TACR1: variants seen among roughly 807,000 people sequenced by gnomAD.
The protein encoded by TACR1 is substance-P receptor.
TACR1 carries 25 observed loss-of-function variants against 35.8 expected under a neutral mutation model. The ratio of observed to expected loss-of-function variants is 0.70; its 90% CI spans 0.51 to 0.98. The LOEUF (loss-of-function observed/expected upper bound fraction) is 0.98, where lower values mean the gene tolerates loss of function less well. TACR1 is among the 50% of genes least tolerant of loss of function. The pLI is 0.00. For missense variants in TACR1, 478 were observed against 522.9 expected, an observed-to-expected ratio of 0.91 and a Z score of 0.84; for synonymous variants, 195 against 206.7, an observed-to-expected ratio of 0.94 and a Z score of 0.48.
chr2:75,083,067 T>C (rs909637058), intron 2 of TACR1, among the ~76,000 whole-genome samples: 45 of 152,354 alleles, frequency 3.0e-4, no homozygotes, highest in African/African-American at 1.0e-3. Flanking sequence ...AGGTCTAACA[T>C]TTAAGTCTTT....
chr2:75,181,943 A>G (rs1166495479), intron 1 of TACR1, among the ~76,000 whole-genome samples: 2 of 152,210 alleles, frequency 1.3e-5, no homozygotes, highest in East Asian at 1.9e-4. Flanking sequence ...TCAAGCGCTC[A>G]AAGAACTAGC....
intron 1 of TACR1, among the ~76,000 whole-genome samples, chr2:75,157,744 T>G (rs2103984385): frequency 6.6e-6 from 1 of 152,378 alleles, no homozygotes; most frequent in South Asian, 2.1e-4. Context: ...GATGTGGGTT[T>G]TAAGCAATTC....
chr2:75,184,404 T>G (rs970970080), intron 1 of TACR1, among the ~76,000 whole-genome samples: 1 of 151,878 alleles, frequency 6.6e-6, no homozygotes, highest in Non-Finnish European at 1.5e-5. Context: ...GTGCTTATGA[T>G]CATGAGTTTT....
In TACR1 at chr2:75,090,328, G is replaced by C. The variant is rs148641493; in HGVS notation, c.584+30246C>G. Among the ~76,000 whole-genome samples the C allele has an allele frequency of 4.6e-3, 698 of 152,276 alleles. 31 individuals carry two copies. The highest frequency in any genetic ancestry group is 0.041 in the Admixed American group (634 of 15,298). On this transcript the variant is annotated intron_variant, in intron 2 of 4. Coordinates refer to ENST00000305249, the MANE Select transcript of TACR1 (RefSeq NM_001058.4). ...AGGGCTCTTAAAATTTAATCTGAAA[G>C]ACTGGTTCAGGCCATGAAGGGAAGT...
At chr2:75,145,549 G>T (rs190237010) in intron 1 of TACR1, among the ~76,000 whole-genome samples, 1 of 152,210 alleles carries the variant, frequency 6.6e-6, no homozygotes, top group Non-Finnish European at 1.5e-5. Flanking sequence ...ATGTGTTAAA[G>T]ATCAATAACT....
chr2:75,070,096 A>ACC (rs1373419955), intron 2 of TACR1, among the ~76,000 whole-genome samples: 2 of 151,918 alleles, frequency 1.3e-5, no homozygotes, highest in African/African-American at 4.8e-5. Context: ...ATCAGTATGG[A>ACC]CTCATGAAAT....
Position 75,160,778 on chromosome 2 carries a change from A to G in TACR1, c.389+37768T>C, listed in dbSNP as rs548244902. 1.5e-3 allele frequency among the ~76,000 whole-genome samples: 71 copies of G among 47,582 alleles called. 7 individuals are homozygous for G. Among genetic ancestry groups the G allele is most frequent in the African/African-American group, 3.6e-3 (66 of 18,112 alleles). The allele number at this position is 47,582 out of a possible 152,430, so 31.2% of individuals were successfully genotyped here. On this transcript the variant is annotated intron_variant, in intron 1 of 4. Transcript: ENST00000305249. ...AAGTAATGATTTAAGACATAACCGA[A>G]AAAAAAGTTCCTTAATGAATAAAAG...
chr2:75,086,387 A>T (rs571785548), intron 2 of TACR1, among the ~76,000 whole-genome samples: 2 of 152,268 alleles, frequency 1.3e-5, no homozygotes, highest in Non-Finnish European at 2.9e-5. Flanking sequence ...CTGAGATAAG[A>T]CAACTGTCTT....
At chr2:75,184,064 A>T (rs1262279092) in intron 1 of TACR1, among the ~76,000 whole-genome samples, 1 of 152,216 alleles carries the variant, frequency 6.6e-6, no homozygotes, top group Non-Finnish European at 1.5e-5. Flanking sequence ...AAGCTTATGT[A>T]AGTTGTATTT....
chr2:75,186,287 G>A (rs1675695187), intron 1 of TACR1, among the ~76,000 whole-genome samples: 1 of 148,166 alleles, frequency 6.7e-6, no homozygotes, highest in African/African-American at 2.5e-5. Context: ...CAGGAGAAAT[G>A]CTTGAACCTG....
Position 75,053,697 on chromosome 2 carries a change from CATAGCCA to C in TACR1, c.636_642del (p.Ile212MetfsTer5), listed in dbSNP as rs1672515437. ...AGTGTGATTCCCACTACGGTGTATG[CATAGCCA>C]ATCACCAGCAGGGGGAGGAAGTAGA... On this transcript the variant is annotated frameshift_variant, in exon 3 of 5. Transcript: ENST00000305249. LOFTEE classifies it high-confidence loss of function. 1 of 1,613,906 alleles carries C rather than the reference CATAGCCA, an allele frequency of 6.2e-7. No individual in the cohort carries two copies. Among genetic ancestry groups the C allele is most frequent in the Admixed American group, 1.7e-5 (1 of 60,010 alleles).
chr2:75,079,309 A>G (rs1360654180), intron 2 of TACR1, among the ~76,000 whole-genome samples: 3 of 152,160 alleles, frequency 2.0e-5, no homozygotes, highest in Non-Finnish European at 2.9e-5. Flanking sequence ...AGCTACTATA[A>G]TAAGTTTCCT....
At chr2:75,123,895 C>T (rs1572943588) in intron 1 of TACR1, among the ~76,000 whole-genome samples, 2 of 152,298 alleles carry the variant, frequency 1.3e-5, no homozygotes, top group Admixed American at 1.3e-4. Flanking sequence ...ATATATTTAT[C>T]TGGAACCAGC....
At chr2:75,174,939 A>G (rs12477554) in intron 1 of TACR1, among the ~76,000 whole-genome samples, 88,254 of 151,960 alleles carry the variant, frequency 0.58, 26,119 homozygotes, top group African/African-American at 0.61. Flanking sequence ...CAGGCTTTTA[A>G]GAAATCAATT....
intron 2 of TACR1, among the ~76,000 whole-genome samples, chr2:75,080,564 G>A (rs1253628560): frequency 6.6e-6 from 1 of 152,166 alleles, no homozygotes; most frequent in Non-Finnish European, 1.5e-5. Context: ...GGAACCTGAT[G>A]TCTAGAGCCA....
At chr2:75,115,166 CTA>C (rs1673826228) in intron 2 of TACR1, among the ~76,000 whole-genome samples, 1 of 149,452 alleles carries the variant, frequency 6.7e-6, no homozygotes, top group South Asian at 2.1e-4. Context: ...TAGAAATTGT[CTA>C]TATGGTAAAT....
At chr2:75,146,324 T>G (rs113337449) in intron 1 of TACR1, among the ~76,000 whole-genome samples, 3,965 of 152,206 alleles carry the variant, frequency 0.026, 156 homozygotes, top group African/African-American at 0.09. Flanking sequence ...TGTTTCACCA[T>G]GTTGACCAGG....
At chr2:75,190,616 A>T (rs1675820507) in intron 1 of TACR1, among the ~76,000 whole-genome samples, 1 of 152,312 alleles carries the variant, frequency 6.6e-6, no homozygotes, top group South Asian at 2.1e-4. Context: ...TTTTAGTGGT[A>T]TTTAGTGGAT....
intron 2 of TACR1, among the ~76,000 whole-genome samples, chr2:75,114,272 G>A (rs1043548713): frequency 6.6e-6 from 1 of 152,062 alleles, no homozygotes; most frequent in African/African-American, 2.4e-5. Context: ...ATAAAATTAT[G>A]TACATAGAAA....
Sources: allele counts gnomAD v4.1 joint callset (sites outside exome capture counted in the v4.1 genomes callset), GRCh38; gene constraint gnomAD v4.1.1; transcripts MANE v1.5; gene names NCBI Gene and HGNC (gene_info 2026-07-23, HGNC 2026-07-21).